MNAT1: variants seen among roughly 807,000 people sequenced by gnomAD.
MNAT1 encodes the protein CDK-activating kinase assembly factor MAT1.
MNAT1 carries 43 observed loss-of-function variants against 42.0 expected under a neutral mutation model. The observed-to-expected ratio is 1.02, with a 90% confidence interval of 0.80 to 1.32. The LOEUF (loss-of-function observed/expected upper bound fraction) is 1.32, where lower values mean the gene tolerates loss of function less well. MNAT1 is among the 40% of genes most tolerant of loss of function. The pLI, the probability that MNAT1 is intolerant of heterozygous loss-of-function variation, is 0.00. For synonymous variants in MNAT1, 118 were observed against 120.0 expected, an observed-to-expected ratio of 0.98 and a Z score of 0.11; for missense variants, 306 against 350.4, an observed-to-expected ratio of 0.87 and a Z score of 1.01.
At chr14:60,959,920 G>GTTTTTTTTT (rs11359127) in intron 7 of MNAT1, among the ~76,000 whole-genome samples, 2 of 93,186 alleles carry the variant, frequency 2.1e-5, no homozygotes, top group Non-Finnish European at 4.5e-5. Flanking sequence ...TGGTTTTTAT[G>GTTTTTTTTT]TTTTTTTTTT....
chr14:60,782,814 A>G (rs977883983), intron 1 of MNAT1, among the ~76,000 whole-genome samples: 18 of 152,194 alleles, frequency 1.2e-4, no homozygotes, highest in African/African-American at 4.3e-4. Context: ...TGTGCCCTTA[A>G]CCAGTATGCT....
chr14:60,932,876 T>C (rs1011195831), intron 7 of MNAT1, among the ~76,000 whole-genome samples: 2 of 152,070 alleles, frequency 1.3e-5, no homozygotes, highest in Non-Finnish European at 2.9e-5. Flanking sequence ...ATTTGATAAA[T>C]ATAACCATAA....
At chr14:60,936,524 C>T (rs2036000978) in intron 7 of MNAT1, among the ~76,000 whole-genome samples, 1 of 151,926 alleles carries the variant, frequency 6.6e-6, no homozygotes, top group Non-Finnish European at 1.5e-5. Context: ...TGGTTTCCAG[C>T]TTCATCCATG....
At position 60,968,404 on chromosome 14, in the gene MNAT1, C is replaced by T; in HGVS notation, c.*55C>T. The T allele has an allele frequency of 1.9e-6, 3 of 1,583,604 alleles. No homozygotes were observed. Among genetic ancestry groups the T allele is most frequent in the Non-Finnish European group, 2.6e-6 (3 of 1,167,858 alleles). On this transcript the variant is annotated 3_prime_UTR_variant, in exon 8 of 8. Transcript: ENST00000261245. The stretch of plus-strand genomic sequence containing the variant: ...AACCAGGGAGCTAGCAAAAGTAAAG[C>T]AGACTTATAAAATTATAGCTATGTG...
At chr14:60,782,340 T>C (rs1594749991) in intron 1 of MNAT1, among the ~76,000 whole-genome samples, 1 of 152,120 alleles carries the variant, frequency 6.6e-6, no homozygotes, top group South Asian at 2.1e-4. Context: ...CTACCTTACA[T>C]GGACTGTTTT....
intron 1 of MNAT1, among the ~76,000 whole-genome samples, chr14:60,788,467 A>G (rs1037297677): frequency 6.6e-6 from 1 of 152,188 alleles, no homozygotes; most frequent in East Asian, 1.9e-4. Context: ...CAGCTGCACT[A>G]TCTCCTGAAA....
chr14:60,862,854 A>C (rs1039357279), intron 6 of MNAT1, among the ~76,000 whole-genome samples: 1 of 152,166 alleles, frequency 6.6e-6, no homozygotes, highest in Admixed American at 6.6e-5. Flanking sequence ...AGCGTTGACT[A>C]TTTTAATATT....
intron 1 of MNAT1, among the ~76,000 whole-genome samples, chr14:60,795,698 C>T (rs2031992710): frequency 6.6e-6 from 1 of 152,172 alleles, no homozygotes; most frequent in African/African-American, 2.4e-5. Context: ...GCCAGTGAGG[C>T]CTCATTCAGC....
chr14:60,812,358 T>A (rs1055911427), intron 5 of MNAT1, among the ~76,000 whole-genome samples: 3 of 152,228 alleles, frequency 2.0e-5, no homozygotes, highest in Non-Finnish European at 4.4e-5. Flanking sequence ...GGTTAGGAAT[T>A]TAAGTGGTTC....
intron 1 of MNAT1, among the ~76,000 whole-genome samples, chr14:60,746,923 TACACACAC>T (rs61278549): frequency 0.044 from 1,113 of 25,182 alleles, 144 homozygotes; most frequent in Middle Eastern, 0.081. Context: ...TATATATATA[TACACACAC>T]ACACACACAC....
chr14:60,948,320 C>T (rs776945945), intron 7 of MNAT1, among the ~76,000 whole-genome samples: 5 of 152,010 alleles, frequency 3.3e-5, no homozygotes, highest in Non-Finnish European at 5.9e-5. Context: ...AGTCCCAGCT[C>T]CTCAGGAGAC....
In MNAT1 at chr14:60,941,605, G is replaced by C. The variant is rs2036160591; in HGVS notation, c.810-26624G>C. ...CCTATAGTCCTAGCTACTCAGGAGG[G>C]AGAGGAGGGAGGATCACTTGAGCCC... On this transcript the variant is annotated intron_variant, in intron 7 of 7. Transcript: ENST00000261245. Among the ~76,000 whole-genome samples the C allele has an allele frequency of 3.3e-5, 5 of 151,908 alleles. 1 individual carries two copies. The South Asian group carries it at 1.0e-3, about 32-fold the overall frequency.
rs2036724670 is a variant in MNAT1 at position 60,968,511 on chromosome 14, A to G, written c.*162A>G. Reference sequence around the variant, plus strand: ...AAATTTCAGAACTAAGTTGAGTAATATAGGGGATATATATTTGTGAAAAAT... The same window carrying G: ...AAATTTCAGAACTAAGTTGAGTAATGTAGGGGATATATATTTGTGAAAAAT... On this transcript the variant is annotated 3_prime_UTR_variant, in exon 8 of 8. Transcript: ENST00000261245. 1 of 1,476,042 alleles carries G rather than the reference A, an allele frequency of 6.8e-7. No homozygotes were observed. The highest frequency in any genetic ancestry group is 1.4e-5 in the African/African-American group (1 of 70,804). The allele number at this position is 1,476,042 out of a possible 1,614,324, so 91.4% of individuals were successfully genotyped here. A position where few individuals can be genotyped will look rare whatever the true frequency, so the allele number is the denominator to read the frequency against.
chr14:60,842,242 C>G (rs965039002), intron 6 of MNAT1, among the ~76,000 whole-genome samples: 6 of 152,208 alleles, frequency 3.9e-5, no homozygotes, highest in African/African-American at 1.4e-4. Context: ...AAATACTTAT[C>G]TGCTCCTTAC....
At chr14:60,865,842 C>T (rs2034190741) in intron 6 of MNAT1, among the ~76,000 whole-genome samples, 2 of 152,060 alleles carry the variant, frequency 1.3e-5, no homozygotes, top group African/African-American at 2.4e-5. Context: ...CTTCTTCCTT[C>T]CATTCCCTCT....
intron 2 of MNAT1, 149 bp downstream of exon 2, chr14:60,796,518 A>ATTTTTTTT: frequency 1.4e-6 from 1 of 697,892 alleles, no homozygotes; most frequent in Non-Finnish European, 2.3e-6. Flanking sequence ...GAGTAATATT[A>ATTTTTTTT]TTTATCTTTG....
intron 7 of MNAT1, among the ~76,000 whole-genome samples, chr14:60,941,789 G>A (rs1435476353): frequency 6.6e-6 from 1 of 151,332 alleles, no homozygotes; most frequent in Non-Finnish European, 1.5e-5. Context: ...CGGATCATGA[G>A]GTCAGGAGAT....
chr14:60,834,752 T>C (rs1352501583), intron 6 of MNAT1, among the ~76,000 whole-genome samples: 1 of 152,134 alleles, frequency 6.6e-6, no homozygotes, highest in African/African-American at 2.4e-5. Context: ...AAATTGACAG[T>C]GGGGTGTTAA....
chr14:60,755,713 A>G (rs1040815893), intron 1 of MNAT1, among the ~76,000 whole-genome samples: 3 of 152,238 alleles, frequency 2.0e-5, no homozygotes, highest in Non-Finnish European at 2.9e-5. Flanking sequence ...CAGCATAGTA[A>G]TAAATCAGTA....
Sources: allele counts gnomAD v4.1 joint callset (sites outside exome capture counted in the v4.1 genomes callset), GRCh38; gene constraint gnomAD v4.1.1; transcripts MANE v1.5; gene names NCBI Gene and HGNC (gene_info 2026-07-23, HGNC 2026-07-21).